MAP3K1: variants seen among roughly 807,000 people sequenced by gnomAD.
MAP3K1 encodes MAP/ERK kinase kinase 1.
Under a neutral mutation model 144.2 loss-of-function variants are expected in MAP3K1, and 36 were observed. The observed-to-expected ratio is 0.25, with a 90% CI of 0.19 to 0.33. The LOEUF (loss-of-function observed/expected upper bound fraction) is 0.33. Among genes scored for constraint, MAP3K1 ranks in the 10% least tolerant of loss-of-function variants. The pLI, the probability that MAP3K1 is intolerant of heterozygous loss-of-function variation, is 1.00. For synonymous variants in MAP3K1, 718 were observed against 688.7 expected (o/e 1.04, Z -0.67); for missense variants, 1,650 against 1,881.9 (o/e 0.88, Z 2.28).
intron 10 of MAP3K1, among the ~76,000 whole-genome samples, chr5:56,876,318 A>G (rs753532617): frequency 6.6e-6 from 1 of 151,808 alleles, no homozygotes; most frequent in Non-Finnish European, 1.5e-5. Context: ...GGCATTGCCA[A>G]ATGTCTCCAG....
chr5:56,889,718 C>CTTT (rs1748489552), intron 19 of MAP3K1, among the ~76,000 whole-genome samples: 1 of 151,988 alleles, frequency 6.6e-6, no homozygotes, highest in Non-Finnish European at 1.5e-5. Flanking sequence ...TTGTGTCTAC[C>CTTT]CTCCATTTTC....
At chr5:56,884,505 T>A (rs904830008) in intron 15 of MAP3K1, among the ~76,000 whole-genome samples, 159 bp from the exon 16 acceptor site, 3 of 152,238 alleles carry the variant, frequency 2.0e-5, no homozygotes, top group Non-Finnish European at 4.4e-5. Context: ...AGATTCTTAG[T>A]GTTTAAAAGA....
At chr5:56,856,845 C>A in intron 2 of MAP3K1, 95 bp downstream of exon 2, 1 of 1,310,424 alleles carries the variant, frequency 7.6e-7, no homozygotes, top group Middle Eastern at 1.9e-4. Context: ...TTTTCTTCTT[C>A]ATTTTAAATG....
chr5:56,816,513 G>T (rs1441499695), intron 1 of MAP3K1, among the ~76,000 whole-genome samples: 1 of 152,068 alleles, frequency 6.6e-6, no homozygotes, highest in African/African-American at 2.4e-5. Context: ...CGGGGTGGGT[G>T]AGAAGCCCGA....
At chr5:56,845,657 A>G (rs557217175) in intron 1 of MAP3K1, among the ~76,000 whole-genome samples, 112 of 152,202 alleles carry the variant, frequency 7.4e-4, no homozygotes, top group Admixed American at 2.7e-3. Flanking sequence ...GTTTTTAAAA[A>G]CATCCTTCTT....
intron 1 of MAP3K1, among the ~76,000 whole-genome samples, chr5:56,827,260 C>G (rs528459985): frequency 6.6e-6 from 1 of 152,214 alleles, no homozygotes; most frequent in Non-Finnish European, 1.5e-5. Flanking sequence ...ATTGCCCCCA[C>G]TGGCCAATCC....
chr5:56,831,918 T>C (rs1304628012), intron 1 of MAP3K1, among the ~76,000 whole-genome samples: 2 of 152,206 alleles, frequency 1.3e-5, no homozygotes, highest in Admixed American at 1.3e-4. Context: ...ATTTCCTCTT[T>C]CCCCTTTTAG....
rs949357085 is a variant in MAP3K1 at position 56,816,202 on chromosome 5, C to T, written c.482+147C>T. On this transcript the variant is annotated intron_variant, in intron 1 of 19. Transcript: ENST00000399503. ...CGGGACCTACGCCCCTGAGCACCCC[C>T]CGACCCCTTCGGAGTCGGGCGGCGC... 2.2e-5 allele frequency: 19 copies of T among 849,680 alleles called. No homozygotes were observed. The African/African-American group carries it at 2.8e-4, about 13-fold the overall frequency. 52.6% of individuals were successfully genotyped at this position (849,680 alleles called of 1,614,324 possible).
In MAP3K1 at chr5:56,887,528, G is replaced by A. The variant is rs1332698207; in HGVS notation, c.4257+8G>A. 6.2e-7 allele frequency: 1 copy of A among 1,614,050 alleles called. No individual in the cohort carries two copies. Among genetic ancestry groups the A allele is most frequent in the South Asian group, 1.1e-5 (1 of 91,078 alleles). On this transcript the variant is annotated splice_region_variant and intron_variant, in intron 18 of 19. Coordinates refer to ENST00000399503, the MANE Select transcript of MAP3K1 (RefSeq NM_005921.2). ...GCATTTATGGCACCTGAGGTGAGAA[G>A]CATCTTTGAGTGTGATGACAGAAAA...
At chr5:56,867,877 A>G (rs1393713927) in intron 6 of MAP3K1, among the ~76,000 whole-genome samples, 6 of 152,238 alleles carry the variant, frequency 3.9e-5, no homozygotes, top group African/African-American at 1.2e-4. Flanking sequence ...GAATGATTAA[A>G]TTAGCATATG....
rs775690092 is a variant in MAP3K1 at position 56,872,651 on chromosome 5, G to A, written c.1434G>A (p.Glu478=). Residue 478 remains glutamate, a synonymous_variant, in exon 8 of 20, where the codon GAG becomes GAA. Coordinates refer to ENST00000399503, the MANE Select transcript of MAP3K1 (RefSeq NM_005921.2). ...HHHCMSIWAE[E]CRRNREPLIC... The stretch of plus-strand genomic sequence containing the variant: ...TCTGTAATTTTTCAGGGGCAGAAGA[G>A]TGTAGAAGAAATAGAGAACCTTTAA... 1.3e-6 allele frequency: 2 copies of A among 1,597,598 alleles called. No individual in the cohort carries two copies. The highest frequency in any genetic ancestry group is 2.2e-5 in the South Asian group (2 of 90,606).
At chr5:56,830,977 C>T (rs556685609) in intron 1 of MAP3K1, among the ~76,000 whole-genome samples, 7 of 150,514 alleles carry the variant, frequency 4.7e-5, no homozygotes, top group African/African-American at 1.5e-4. Flanking sequence ...GGTAACAGCA[C>T]GTAAATGTTT....
intron 1 of MAP3K1, 151 bp from the exon 2 acceptor site, chr5:56,856,449 C>T (rs1579750061): frequency 1.5e-6 from 1 of 674,012 alleles, no homozygotes; most frequent in South Asian, 1.8e-5. Context: ...AGAATCTTTT[C>T]AAGCTTTAAG....
Position 56,882,240 on chromosome 5 carries a change from A to T in MAP3K1, c.3040A>T (p.Ile1014Leu), listed in dbSNP as rs1226609553. ...HRLQGFIPCR[I>L]PSASPQTQRK... ...ACTTCAGGGATTCATTCCCTGCAGA[A>T]TACCTTCTGCATCTCCTCAAACACA... The change falls in exon 14 of 20, where the codon ATA (isoleucine) becomes TTA (leucine). Residue 1014 changes from isoleucine to leucine, a missense_variant. By Grantham distance (5) the Ile-to-Leu change is conservative (BLOSUM62 2). This residue lies in a region of MAP3K1 where 841 missense variants were observed against 886.5 expected (regional missense o/e 0.95). Coordinates refer to ENST00000399503, the MANE Select transcript of MAP3K1 (RefSeq NM_005921.2). 1 of 1,614,182 alleles carries T rather than the reference A, an allele frequency of 6.2e-7. No individual in the cohort carries two copies. The highest frequency in any genetic ancestry group is 8.5e-7 in the Non-Finnish European group (1 of 1,180,030).
In MAP3K1 at chr5:56,882,689, T is replaced by C; in HGVS notation, c.3489T>C (p.Asn1163=). 1.9e-6 allele frequency: 3 copies of C among 1,613,978 alleles called. No homozygotes were observed. The highest frequency in any genetic ancestry group is 2.5e-6 in the Non-Finnish European group (3 of 1,179,986). Residue 1163 remains asparagine, a synonymous_variant, in exon 14 of 20, where the codon AAT becomes AAC. Transcript: ENST00000399503. ...TCCTGTCTCCTGAAAAGGCTGAAAATGATGATACCTACAAAGATGATGTGA... is the reference window on the plus strand; with the variant it reads ...TCCTGTCTCCTGAAAAGGCTGAAAACGATGATACCTACAAAGATGATGTGA... ...VAVLSPEKAE[N]DDTYKDDVNH...
intron 1 of MAP3K1, chr5:56,842,233 T>C (rs1251489361): frequency 6.6e-6 from 1 of 152,202 alleles, no homozygotes. Flanking sequence ...GAAAAAAAGT[T>C]TTATTTTGCT....
At position 56,872,968 on chromosome 5, in the gene MAP3K1, C is replaced by T. The variant is rs1579768653; in HGVS notation, c.1649C>T (p.Pro550Leu). Residue 550 changes from proline (P) to leucine (L), a missense_variant, in exon 9 of 20, where the codon CCT (proline) becomes CTT (leucine). Coordinates refer to ENST00000399503, the MANE Select transcript of MAP3K1 (RefSeq NM_005921.2). ...NLTHYGTQQI[P>L]PAYKDLAEPW... Reference sequence around the variant, plus strand: ...ACTCATTATGGAACTCAGCAAATCCCTCCTGCTTACAAAGATTTAGCTGAG... The same window carrying T: ...ACTCATTATGGAACTCAGCAAATCCTTCCTGCTTACAAAGATTTAGCTGAG... 2.5e-6 allele frequency: 4 copies of T among 1,614,022 alleles called. No individual in the cohort carries two copies. The East Asian group carries it at 8.9e-5, about 36-fold the overall frequency.
chr5:56,870,624 A>G (rs1488353799), intron 6 of MAP3K1, among the ~76,000 whole-genome samples: 1 of 152,036 alleles, frequency 6.6e-6, no homozygotes, highest in Admixed American at 6.6e-5. Flanking sequence ...AACAAATACA[A>G]AGTCATGCCA....
intron 1 of MAP3K1, among the ~76,000 whole-genome samples, chr5:56,846,390 G>T (rs894869270): frequency 6.6e-6 from 1 of 152,132 alleles, no homozygotes; most frequent in African/African-American, 2.4e-5. Context: ...AAGGGTGTTC[G>T]CTTGAAAACA....
Sources: allele counts gnomAD v4.1 joint callset (sites outside exome capture counted in the v4.1 genomes callset), GRCh38; gene constraint gnomAD v4.1.1; regional missense constraint gnomAD v4.1.1; transcripts MANE v1.5; gene names NCBI Gene and HGNC (gene_info 2026-07-23, HGNC 2026-07-21).